The following KCNIP2 variants were observed in gnomAD, a reference collection of about 807,000 sequenced individuals.
KCNIP2 encodes the protein A-type potassium channel modulatory protein KCNIP2.
In KCNIP2, 19 loss-of-function variants were observed where a neutral mutation model predicts 39.0. The ratio of observed to expected loss-of-function variants is 0.49; its 90% CI spans 0.34 to 0.71. The LOEUF (loss-of-function observed/expected upper bound fraction) is 0.71. Among genes scored for constraint, KCNIP2 ranks in the 30% least tolerant of loss-of-function variants. The pLI is 0.01. For missense variants in KCNIP2, 261 were observed against 346.0 expected (o/e 0.75, Z 1.95); for synonymous variants, 111 against 131.2 (o/e 0.85, Z 1.05).
intron 9 of KCNIP2, 86 bp downstream of exon 9, chr10:101,827,603 G>A (rs368114335): frequency 1.4e-6 from 2 of 1,451,032 alleles, no homozygotes; most frequent in Non-Finnish European, 1.9e-6. Flanking sequence ...TGGGAAGGTG[G>A]TATTCTTCCC....
intron 1 of KCNIP2, among the ~76,000 whole-genome samples, chr10:101,837,753 C>T (rs866910376): frequency 1.3e-5 from 2 of 152,102 alleles, no homozygotes; most frequent in Admixed American, 6.5e-5. Flanking sequence ...CCAATATGTG[C>T]GGGGTGTCAA....
chr10:101,828,701 A>T lies in KCNIP2; in HGVS notation c.349-5T>A. On this transcript the variant is annotated splice_region_variant and splice_polypyrimidine_tract_variant and intron_variant, in intron 4 of 9. Transcript: ENST00000356640. This position sits in a 1 kb window ranked among gnomAD's most constrained non-coding sequence, Gnocchi z 6.6. ...GACAATTCCGCTGGGACATTCCTGG[A>T]AGGAGAGGGCACCAGGCTGAGGGCA... 1 of 1,614,134 alleles carries T rather than the reference A, an allele frequency of 6.2e-7. No individual in the cohort carries two copies. The highest frequency in any genetic ancestry group is 8.5e-7 in the Non-Finnish European group (1 of 1,180,014).
chr10:101,839,943 C>A, intron 1 of KCNIP2: 4 of 1,148,080 alleles, frequency 3.5e-6, no homozygotes, highest in East Asian at 2.8e-5. Context: ...GCGGGAGGGC[C>A]GGCCCGGCAG....
At chr10:101,829,505 A>G (rs1391852884) in intron 3 of KCNIP2, 1 of 467,616 alleles carries the variant, frequency 2.1e-6, no homozygotes, top group Non-Finnish European at 3.8e-6. Context: ...TCGTTTTAGA[A>G]AGGGAGGAGT....
rs756477891 is a variant in KCNIP2 at position 101,827,907 on chromosome 10, G to A, written c.684C>T (p.His228=). The part of the protein sequence containing the change: ...PALREEAPRE[H]VESFFQKMDR... Reference sequence around the variant, plus strand: ...CAAGTACCTGGAAGAAGCTCTCCACGTGTTCCCTTGGGGCCTCCTCCCGGA... The same window carrying A: ...CAAGTACCTGGAAGAAGCTCTCCACATGTTCCCTTGGGGCCTCCTCCCGGA... The change falls in exon 8 of 10, where the codon CAC becomes CAT. Residue 228 remains histidine, a synonymous_variant. Transcript: ENST00000356640. 21 of 1,613,356 alleles carry A rather than the reference G, an allele frequency of 1.3e-5. No individual in the cohort carries two copies. The Admixed American group carries it at 2.0e-4, about 15-fold the overall frequency.
At chr10:101,842,959 GAC>G (rs2066375518) in intron 1 of KCNIP2, among the ~76,000 whole-genome samples, 1 of 152,180 alleles carries the variant, frequency 6.6e-6, no homozygotes, top group South Asian at 2.1e-4. Context: ...GTAGAGCCCT[GAC>G]ACATTCTGGT....
Position 101,843,181 on chromosome 10 carries a change from G to A in KCNIP2, c.73+315C>T, listed in dbSNP as rs1041085677. Among the ~76,000 whole-genome samples, 2 of 151,858 alleles carry A rather than the reference G, an allele frequency of 1.3e-5. No individual in the cohort carries two copies. Among genetic ancestry groups the A allele is most frequent in the African/African-American group, 4.9e-5 (2 of 41,188 alleles). Reference sequence around the variant, plus strand: ...CATGGCAACCAGCTGTGGGAGGTGCGCGCGCACACACACACACACACACAG... The same window carrying A: ...CATGGCAACCAGCTGTGGGAGGTGCACGCGCACACACACACACACACACAG... On this transcript the variant is annotated intron_variant, in intron 1 of 9. Transcript: ENST00000356640. The surrounding 1 kb of genome is among the most constrained non-coding windows in gnomAD (Gnocchi z 6.7).
intron 1 of KCNIP2, among the ~76,000 whole-genome samples, chr10:101,835,136 G>A (rs192625507): frequency 8.7e-4 from 133 of 152,256 alleles, no homozygotes; most frequent in Admixed American, 3.6e-3. Flanking sequence ...AGGTATGGAT[G>A]TGTTGTATAA....
intron 1 of KCNIP2, among the ~76,000 whole-genome samples, chr10:101,835,474 G>T (rs1462010818): frequency 6.6e-6 from 1 of 152,150 alleles, no homozygotes; most frequent in Admixed American, 6.5e-5. Flanking sequence ...GGACTGTGCT[G>T]GCTCCGTATG....
chr10:101,841,022 C>T (rs920380643), intron 1 of KCNIP2, among the ~76,000 whole-genome samples: 9 of 152,246 alleles, frequency 5.9e-5, no homozygotes, highest in African/African-American at 2.2e-4. Context: ...CCCTCGGAAC[C>T]GCACTGCCCA....
chr10:101,827,584 G>T (rs1001597455), intron 9 of KCNIP2, 105 bp downstream of exon 9: 2 of 1,371,464 alleles, frequency 1.5e-6, no homozygotes, highest in African/African-American at 1.4e-5. Flanking sequence ...TTGAAATATG[G>T]GGGTGAGGTG....
rs2065816944 is a variant in KCNIP2, at chr10:101,828,296, C to T, written c.490-38G>A. 1 of 1,611,004 alleles carries T rather than the reference C, an allele frequency of 6.2e-7. No individual in the cohort carries two copies. The highest frequency in any genetic ancestry group is 8.5e-7 in the Non-Finnish European group (1 of 1,177,154). On this transcript the variant is annotated intron_variant, in intron 6 of 9. Coordinates refer to ENST00000356640, the MANE Select transcript of KCNIP2 (RefSeq NM_173191.3). The surrounding 1 kb of genome is among the most constrained non-coding windows in gnomAD (Gnocchi z 6.6). ...CAGGAGGGAGCTGTGTCCTCGGGTA[C>T]TCTTCACCCAACTCCTTCTCTGGGT...
chr10:101,837,553 C>T (rs960846889), intron 1 of KCNIP2, among the ~76,000 whole-genome samples: 1 of 152,132 alleles, frequency 6.6e-6, no homozygotes, highest in African/African-American at 2.4e-5. Flanking sequence ...CCTGTAATCC[C>T]AGCTACTCAG....
At chr10:101,834,998 T>C (rs906872530) in intron 1 of KCNIP2, among the ~76,000 whole-genome samples, 1 of 152,246 alleles carries the variant, frequency 6.6e-6, no homozygotes, top group Non-Finnish European at 1.5e-5. Context: ...CTCTTGCGTA[T>C]ATGGGTATGT....
chr10:101,833,352 T>A (rs1388128387), intron 1 of KCNIP2, among the ~76,000 whole-genome samples: 2 of 152,116 alleles, frequency 1.3e-5, no homozygotes, highest in Non-Finnish European at 2.9e-5. Flanking sequence ...ACTCCCAATG[T>A]CTAGGCCCTG....
chr10:101,833,617 C>A (rs950342104), intron 1 of KCNIP2, among the ~76,000 whole-genome samples: 1 of 152,150 alleles, frequency 6.6e-6, no homozygotes, highest in African/African-American at 2.4e-5. Context: ...ACATACTGTG[C>A]CACTCAGGCC....
chr10:101,834,306 G>A, intron 1 of KCNIP2: 1 of 399,286 alleles, frequency 2.5e-6, no homozygotes, highest in South Asian at 1.3e-4. Context: ...AACTGCTCCA[G>A]GACCTTGACA....
chr10:101,831,782 C>T (rs2066000687), intron 1 of KCNIP2, among the ~76,000 whole-genome samples: 1 of 152,198 alleles, frequency 6.6e-6, no homozygotes, highest in Non-Finnish European at 1.5e-5. Context: ...CACACAAGAA[C>T]ACACAATGCC....
intron 9 of KCNIP2, 52 bp downstream of exon 9, chr10:101,827,637 T>C (rs2065785726): frequency 6.2e-7 from 1 of 1,602,350 alleles, no homozygotes; most frequent in South Asian, 1.1e-5. Context: ...CCTGCATTAC[T>C]AAATCAGGCC....
Sources: gnomAD v4.1 joint callset for allele counts (sites outside exome capture counted in the v4.1 genomes callset) on GRCh38, gnomAD v4.1.1 for gene constraint, Gnocchi (gnomAD v3.1) non-coding constraint, MANE v1.5 for transcripts, NCBI Gene and HGNC (gene_info 2026-07-23, HGNC 2026-07-21) for gene names.